The following SIN3B variants were observed in gnomAD, a reference collection of about 807,000 sequenced individuals.
SIN3B encodes paired amphipathic helix protein Sin3b.
Under a neutral mutation model 120.2 loss-of-function variants are expected in SIN3B, and 19 were observed. The ratio of observed to expected loss-of-function variants is 0.16; its 90% CI spans 0.11 to 0.23. SIN3B has a LOEUF of 0.23. Ranked by LOEUF, SIN3B falls within the 10% of genes least tolerant of loss-of-function variation. SIN3B has a pLI of 1.00. For synonymous variants in SIN3B, 654 were observed against 653.2 expected (o/e 1.00, Z -0.02); for missense variants, 1,073 against 1,573.0 (o/e 0.68, Z 5.38).
chr19:16,864,799 TG>T (rs1356177711), intron 10 of SIN3B, among the ~76,000 whole-genome samples: 3 of 150,270 alleles, frequency 2.0e-5, no homozygotes, highest in Non-Finnish European at 4.4e-5. Flanking sequence ...AAGACCAACC[TG>T]GGCAACAAAG....
intron 5 of SIN3B, among the ~76,000 whole-genome samples, chr19:16,850,835 C>T (rs1448527949): frequency 1.3e-5 from 2 of 152,252 alleles, no homozygotes; most frequent in Admixed American, 6.5e-5. Flanking sequence ...GCATCCTCGA[C>T]CTGTTAGCCG....
chr19:16,867,696 T>C (rs570636629), intron 12 of SIN3B, among the ~76,000 whole-genome samples: 1 of 152,262 alleles, frequency 6.6e-6, no homozygotes, highest in South Asian at 2.1e-4. Flanking sequence ...GCTCCTTCTT[T>C]TACAACACAG....
chr19:16,863,826 G>A lies in SIN3B; in HGVS notation c.1383+30G>A, dbSNP rs201985254. 1.6e-5 allele frequency: 25 copies of A among 1,515,172 alleles called. No individual in the cohort carries two copies. The East Asian group carries it at 2.0e-4, about 12-fold the overall frequency. The allele number at this position is 1,515,172 out of a possible 1,614,324, so 93.9% of individuals were successfully genotyped here. ...GTGTGCTGCTGTGGCCGGGTCCCCC[G>A]GCATGTGCCTGTTCCCCTTCTCCAT... On this transcript the variant is annotated intron_variant, in intron 10 of 18. Coordinates refer to ENST00000248054, the MANE Select transcript of SIN3B (RefSeq NM_001297595.2).
intron 13 of SIN3B, among the ~76,000 whole-genome samples, chr19:16,870,723 T>G (rs1409030714): frequency 1.3e-5 from 2 of 152,136 alleles, no homozygotes; most frequent in Admixed American, 6.5e-5. Flanking sequence ...GTTATTTTTT[T>G]TTTGTATTTT....
chr19:16,829,504 C>G lies in SIN3B; in HGVS notation c.84C>G (p.Arg28=). ...GRGLSGARWG[R]SGSAGHEKLP... ...GGCTGAGCGGCGCCCGCTGGGGTCG[C>G]TCGGGCTCCGCAGGCCACGAGAAGC... Residue 28 remains arginine (R), a synonymous_variant, in exon 1 of 19, where the codon CGC becomes CGG. Transcript: ENST00000248054. 2 of 1,224,618 alleles carry G rather than the reference C, an allele frequency of 1.6e-6. No homozygotes were observed. Among genetic ancestry groups the G allele is most frequent in the Non-Finnish European group, 2.0e-6 (2 of 983,078 alleles). The allele number at this position is 1,224,618 out of a possible 1,614,324, so 75.9% of individuals were successfully genotyped here.
chr19:16,871,461 C>A, intron 14 of SIN3B, 63 bp downstream of exon 14: 1 of 1,494,782 alleles, frequency 6.7e-7, no homozygotes, highest in Non-Finnish European at 9.0e-7. Flanking sequence ...CATCATTTCA[C>A]TCCCCGCTCG....
At chr19:16,840,098 T>C (rs748118912) in intron 3 of SIN3B, among the ~76,000 whole-genome samples, 1 of 152,098 alleles carries the variant, frequency 6.6e-6, no homozygotes, top group Non-Finnish European at 1.5e-5. Flanking sequence ...AGCTGAGACT[T>C]TCTAGAATTG....
At chr19:16,833,372 G>A (rs1393793463) in intron 3 of SIN3B, among the ~76,000 whole-genome samples, 4 of 152,038 alleles carry the variant, frequency 2.6e-5, no homozygotes, top group African/African-American at 4.8e-5. Flanking sequence ...AGTGGCTCAC[G>A]CCTGTAATCC....
At position 16,862,970 on chromosome 19, in the gene SIN3B, T is replaced by G; in HGVS notation, c.1266+411T>G. On this transcript the variant is annotated intron_variant, in intron 9 of 18. Transcript: ENST00000248054. This position sits in a 1 kb window ranked among gnomAD's most constrained non-coding sequence, Gnocchi z 4.7. ...AGAATACCTGCTGGATTCCAGGATA[T>G]AGTGCAGGGGTCAGCAAACTCTGGC... 2 of 1,613,854 alleles carry G rather than the reference T, an allele frequency of 1.2e-6. No homozygotes were observed. Among genetic ancestry groups the G allele is most frequent in the Non-Finnish European group, 1.7e-6 (2 of 1,179,678 alleles).
At chr19:16,851,302 GCCACCATTGCCCA>G (rs1971541821) in intron 5 of SIN3B, 97 bp from the exon 6 acceptor site, 1 of 1,350,150 alleles carries the variant, frequency 7.4e-7, no homozygotes, top group Non-Finnish European at 9.9e-7. Flanking sequence ...GGTGCCCGTG[GCCACCATTGCCCA>G]CCGGGCTGTG....
rs1427221175 is a variant in SIN3B, at chr19:16,865,516, A to G, written c.1490A>G (p.Asp497Gly). 10 of 1,613,426 alleles carry G rather than the reference A, an allele frequency of 6.2e-6. No individual in the cohort carries two copies. The East Asian group carries it at 2.2e-4, about 36-fold the overall frequency. Reference protein sequence around the residue: ...APEDQEKFRLDDSLGGTSEVI... With the variant: ...APEDQEKFRLGDSLGGTSEVI... ...GAAGACCAGGAGAAGTTCCGGCTGG[A>G]CGACTCCCTGGGAGGCACGTCGGAG... The change falls in exon 11 of 19, where the codon GAC becomes GGC. Residue 497 changes from aspartate (D) to glycine (G), a missense_variant. By Grantham distance (94) the Asp-to-Gly change is moderately conservative. Transcript: ENST00000248054.
At chr19:16,873,570 A>G (rs1431869312) in intron 14 of SIN3B, among the ~76,000 whole-genome samples, 2 of 124,950 alleles carry the variant, frequency 1.6e-5, no homozygotes, top group African/African-American at 6.0e-5. Context: ...GGCTTCGGGG[A>G]CAGCAACCTT....
intron 5 of SIN3B, among the ~76,000 whole-genome samples, chr19:16,847,616 G>T (rs949002984): frequency 2.0e-5 from 3 of 152,132 alleles, no homozygotes; most frequent in African/African-American, 7.2e-5. Flanking sequence ...GGGCGAGGAG[G>T]GGCCTTAGAC....
intron 3 of SIN3B, among the ~76,000 whole-genome samples, chr19:16,837,772 C>T (rs571367090): frequency 3.3e-5 from 5 of 151,906 alleles, no homozygotes; most frequent in African/African-American, 7.2e-5. Flanking sequence ...AGATCAGGAG[C>T]GGGGGTGTCA....
intron 8 of SIN3B, among the ~76,000 whole-genome samples, chr19:16,861,813 T>C (rs957957964): frequency 1.3e-5 from 2 of 150,620 alleles, no homozygotes; most frequent in African/African-American, 2.4e-5. Context: ...CACATGCCTG[T>C]GGTCCCAGCT....
chr19:16,849,712 C>T (rs1452233171), intron 5 of SIN3B, among the ~76,000 whole-genome samples: 2 of 152,182 alleles, frequency 1.3e-5, no homozygotes, highest in African/African-American at 2.4e-5. Flanking sequence ...CGGGTTTCCC[C>T]TCCAGGTCCC....
intron 2 of SIN3B, among the ~76,000 whole-genome samples, chr19:16,831,099 G>A (rs1229985915): frequency 1.3e-5 from 2 of 149,774 alleles, no homozygotes; most frequent in Non-Finnish European, 3.0e-5. Flanking sequence ...TTCTCGTGCT[G>A]TCGCCCAGGC....
chr19:16,866,627 C>CGGG, intron 12 of SIN3B, 71 bp downstream of exon 12: 1 of 1,460,340 alleles, frequency 6.8e-7, no homozygotes, highest in South Asian at 1.2e-5. Context: ...GGGTCTGTGC[C>CGGG]TCTGTTTCCC....
At chr19:16,863,323 C>CG in intron 9 of SIN3B, 2 of 361,234 alleles carry the variant, frequency 5.5e-6, no homozygotes, top group Non-Finnish European at 9.9e-6. Flanking sequence ...TTTAAGAATG[C>CG]AGTGTAACAA....
Sources: gnomAD v4.1 joint callset for allele counts (sites outside exome capture counted in the v4.1 genomes callset) on GRCh38, gnomAD v4.1.1 for gene constraint, Gnocchi (gnomAD v3.1) non-coding constraint, MANE v1.5 for transcripts, NCBI Gene and HGNC (gene_info 2026-07-23, HGNC 2026-07-21) for gene names.